PTPRO: variants seen among roughly 807,000 people sequenced by gnomAD.
The protein encoded by PTPRO is protein tyrosine phosphatase receptor type O.
PTPRO carries 62 observed loss-of-function variants against 145.2 expected under a neutral mutation model. The observed-to-expected ratio is 0.43, with a 90% confidence interval of 0.35 to 0.53. PTPRO has a LOEUF of 0.53. PTPRO is among the 20% of genes least tolerant of loss of function. PTPRO has a pLI of 0.01. For synonymous variants in PTPRO, 565 were observed against 514.7 expected (o/e 1.10, Z -1.32); for missense variants, 1,345 against 1,482.7 (o/e 0.91, Z 1.53).
At chr12:15,493,323 C>T (rs990819078) in intron 2 of PTPRO, among the ~76,000 whole-genome samples, 109 of 151,928 alleles carry the variant, frequency 7.2e-4, no homozygotes, top group Admixed American at 1.4e-3. Context: ...GAACTTAACA[C>T]CTATAGCTCT....
intron 1 of PTPRO, among the ~76,000 whole-genome samples, chr12:15,332,333 G>A (rs1227689013): frequency 6.6e-6 from 1 of 152,158 alleles, no homozygotes; most frequent in African/African-American, 2.4e-5. Flanking sequence ...AAGATCAACT[G>A]TAATTTAAAT....
At chr12:15,502,199 T>G in intron 5 of PTPRO, 136 bp downstream of exon 5, 2 of 874,092 alleles carry the variant, frequency 2.3e-6, no homozygotes, top group Non-Finnish European at 3.5e-6. Context: ...AAGGGGAGAA[T>G]TTAATTGAGT....
chr12:15,342,600 A>G (rs1003800715), intron 1 of PTPRO, among the ~76,000 whole-genome samples: 5 of 152,250 alleles, frequency 3.3e-5, no homozygotes, highest in African/African-American at 1.2e-4. Context: ...CCTTTTTCCT[A>G]TGAAGAGCCC....
Position 15,520,241 on chromosome 12 carries a change from G to A in PTPRO, c.1820G>A (p.Arg607Gln), listed in dbSNP as rs762047441. The A allele has an allele frequency of 3.7e-6, 6 of 1,613,778 alleles. No individual in the cohort carries two copies. Among genetic ancestry groups the A allele is most frequent in the Non-Finnish European group, 4.2e-6 (5 of 1,179,854 alleles). Residue 607 changes from arginine to glutamine, a missense_variant, in exon 10 of 27, where the codon CGG becomes CAG. By Grantham distance (43) the Arg-to-Gln change is conservative (BLOSUM62 1). Coordinates refer to ENST00000281171, the MANE Select transcript of PTPRO (RefSeq NM_030667.3). ...NLLPAWYYNF[R>Q]VTMVTWGDPE... ...CTGCCAGCATGGTACTACAACTTCC[G>A]GGTTACCATGGTGACGTGGGGAGAT...
intron 1 of PTPRO, among the ~76,000 whole-genome samples, chr12:15,457,848 T>C (rs1941215407): frequency 6.6e-6 from 1 of 152,244 alleles, no homozygotes; most frequent in Admixed American, 6.5e-5. Context: ...TCAGTACTTT[T>C]CTGGCTTTTA....
At chr12:15,356,326 T>C (rs939108190) in intron 1 of PTPRO, among the ~76,000 whole-genome samples, 18 of 152,190 alleles carry the variant, frequency 1.2e-4, no homozygotes, top group Non-Finnish European at 2.5e-4. Flanking sequence ...AAGAATTAAA[T>C]TATTTCTCCC....
intron 1 of PTPRO, among the ~76,000 whole-genome samples, chr12:15,344,842 C>A (rs996391140): frequency 6.6e-6 from 1 of 152,132 alleles, no homozygotes; most frequent in Non-Finnish European, 1.5e-5. Context: ...TGTTCCTGCT[C>A]GGGAAGAACT....
chr12:15,580,167 A>C, intron 21 of PTPRO, 52 bp downstream of exon 21: 2 of 1,383,388 alleles, frequency 1.4e-6, no homozygotes, highest in South Asian at 2.3e-5. Flanking sequence ...CCAGAGAAAG[A>C]CTAGCAGGGC....
intron 19 of PTPRO, among the ~76,000 whole-genome samples, chr12:15,577,941 C>T (rs1353682630): frequency 6.6e-6 from 1 of 152,160 alleles, no homozygotes; most frequent in Non-Finnish European, 1.5e-5. Flanking sequence ...CCATAACATA[C>T]CCTTTTTGAA....
chr12:15,448,897 G>A (rs1341427282), intron 1 of PTPRO, among the ~76,000 whole-genome samples: 2 of 151,856 alleles, frequency 1.3e-5, no homozygotes, highest in Admixed American at 1.3e-4. Context: ...TATGCTAAGT[G>A]AAATAAGCCA....
At chr12:15,560,750 T>C (rs151312634) in intron 17 of PTPRO, among the ~76,000 whole-genome samples, 1 of 152,158 alleles carries the variant, frequency 6.6e-6, no homozygotes, top group Non-Finnish European at 1.5e-5. Context: ...CCTCTTTGTA[T>C]GATTATCTGA....
At chr12:15,382,159 A>AATATATATATATAT (rs144742152) in intron 1 of PTPRO, among the ~76,000 whole-genome samples, 13 of 145,736 alleles carry the variant, frequency 8.9e-5, no homozygotes, top group South Asian at 4.3e-4. Context: ...AAAAGTGAGA[A>AATATATATATATAT]ATATATATAT....
At position 15,508,449 on chromosome 12, in the gene PTPRO, G is replaced by C. The variant is rs567154026; in HGVS notation, c.1268-122G>C. On this transcript the variant is annotated intron_variant, in intron 6 of 26. Coordinates refer to ENST00000281171, the MANE Select transcript of PTPRO (RefSeq NM_030667.3). ...GACCTGAAGAGTTGCCAGTCCGACC[G>C]CCAATCTTTCTTTGAATCTCATTGT... 42 of 1,071,094 alleles carry C rather than the reference G, an allele frequency of 3.9e-5. 1 individual carries two copies. The East Asian group carries it at 1.0e-3, about 26-fold the overall frequency. The allele number at this position is 1,071,094 out of a possible 1,614,324, so 66.3% of individuals were successfully genotyped here. A position where few individuals can be genotyped will look rare whatever the true frequency, so the allele number is the denominator to read the frequency against.
At chr12:15,411,321 T>A (rs1029728469) in intron 1 of PTPRO, among the ~76,000 whole-genome samples, 2 of 152,344 alleles carry the variant, frequency 1.3e-5, no homozygotes, top group East Asian at 3.9e-4. Flanking sequence ...CTTAGGCTAT[T>A]ATTTTATGTG....
chr12:15,412,473 T>C (rs1246994216), intron 1 of PTPRO, among the ~76,000 whole-genome samples: 4 of 152,244 alleles, frequency 2.6e-5, no homozygotes, highest in African/African-American at 9.6e-5. Flanking sequence ...TAGCTTTTGC[T>C]GCTGTTGAAA....
chr12:15,429,789 T>C (rs1195366876), intron 1 of PTPRO, among the ~76,000 whole-genome samples: 1 of 152,132 alleles, frequency 6.6e-6, no homozygotes, highest in Non-Finnish European at 1.5e-5. Flanking sequence ...GAGGAGACTA[T>C]GCTAGGAGTT....
chr12:15,355,834 T>A (rs1382358516), intron 1 of PTPRO, among the ~76,000 whole-genome samples: 1 of 152,332 alleles, frequency 6.6e-6, no homozygotes, highest in East Asian at 1.9e-4. Context: ...CAAAAAAGTA[T>A]CTATTCGTTT....
chr12:15,445,215 T>C (rs1313387025), intron 1 of PTPRO, among the ~76,000 whole-genome samples: 1 of 152,164 alleles, frequency 6.6e-6, no homozygotes, highest in Admixed American at 6.6e-5. Context: ...AGGATTTTTT[T>C]TCCTTTGTTG....
Position 15,580,720 on chromosome 12 carries a change from T to C in PTPRO, c.3021T>C (p.Tyr1007=). 5 of 1,614,076 alleles carry C rather than the reference T, an allele frequency of 3.1e-6. No individual in the cohort carries two copies. The highest frequency in any genetic ancestry group is 4.2e-6 in the Non-Finnish European group (5 of 1,179,970). The change falls in exon 22 of 27, where the codon TAT becomes TAC. Residue 1007 remains tyrosine, a synonymous_variant. Transcript: ENST00000281171. ...YIPGYNSPQE[Y]IATQGPLPET... is the part of the protein sequence containing the mutation. Reference sequence around the variant, plus strand: ...AGGGATACAACTCACCCCAGGAGTATATTGCCACCCAGGGGCCACTGCCTG... The same window carrying C: ...AGGGATACAACTCACCCCAGGAGTACATTGCCACCCAGGGGCCACTGCCTG...
Sources: gnomAD v4.1 joint callset for allele counts (sites outside exome capture counted in the v4.1 genomes callset) on GRCh38, gnomAD v4.1.1 for gene constraint, MANE v1.5 for transcripts, NCBI Gene and HGNC (gene_info 2026-07-23, HGNC 2026-07-21) for gene names.